The following APPBP2 variants were observed in gnomAD, a reference collection of about 807,000 sequenced individuals.
APPBP2 encodes the protein amyloid beta precursor protein binding protein 2.
APPBP2 carries 15 observed loss-of-function variants against 76.0 expected under a neutral mutation model. That is an observed-to-expected ratio of 0.20 (90% confidence interval 0.13 to 0.30). APPBP2 has a LOEUF of 0.30. Among genes scored for constraint, APPBP2 ranks in the 10% least tolerant of loss-of-function variants. The pLI is 1.00. For missense variants in APPBP2, 401 were observed against 687.2 expected (o/e 0.58, Z 4.66); for synonymous variants, 222 against 242.2 (o/e 0.92, Z 0.77).
chr17:60,508,446 T>C (rs1244037071), intron 1 of APPBP2, among the ~76,000 whole-genome samples: 1 of 152,112 alleles, frequency 6.6e-6, no homozygotes, highest in African/African-American at 2.4e-5. Context: ...AAACCAAGCA[T>C]AGAAACTCCA....
At chr17:60,486,408 T>G (rs907543021) in intron 3 of APPBP2, among the ~76,000 whole-genome samples, 8 of 152,228 alleles carry the variant, frequency 5.3e-5, no homozygotes, top group African/African-American at 1.9e-4. Flanking sequence ...ATATTTAGGA[T>G]AGTTAGCTCT....
rs1567921123 is a variant in APPBP2 at position 60,462,069 on chromosome 17, T to TA, written c.763-9dup. ...ACGTTTTACTACACAAGCCTAAAGA[T>TA]AAAGTGAAAAATGGTTAACTCTCAA... On this transcript the variant is annotated splice_polypyrimidine_tract_variant and intron_variant, in intron 6 of 12. Coordinates refer to ENST00000083182, the MANE Select transcript of APPBP2 (RefSeq NM_006380.5). 4 of 1,609,096 alleles carry TA rather than the reference T, an allele frequency of 2.5e-6. No homozygotes were observed. In the Admixed American group the frequency reaches 6.7e-5, roughly 27 times the overall value.
At chr17:60,515,931 G>A (rs1032121884) in intron 1 of APPBP2, among the ~76,000 whole-genome samples, 2 of 152,162 alleles carry the variant, frequency 1.3e-5, no homozygotes, top group Non-Finnish European at 2.9e-5. Context: ...CTGGGAGGCC[G>A]AGACAGGCAG....
chr17:60,506,135 C>A (rs114294475), intron 1 of APPBP2, among the ~76,000 whole-genome samples: 1 of 151,980 alleles, frequency 6.6e-6, no homozygotes, highest in African/African-American at 2.4e-5. Flanking sequence ...GTACTACAGG[C>A]ATGCACAACC....
At chr17:60,479,111 G>T (rs554899634) in intron 4 of APPBP2, 37 bp downstream of exon 4, 2 of 1,595,918 alleles carry the variant, frequency 1.3e-6, no homozygotes, top group Non-Finnish European at 1.7e-6. Context: ...ACTAAATACT[G>T]TTATAGCACG....
intron 9 of APPBP2, among the ~76,000 whole-genome samples, chr17:60,457,425 TTTTG>T (rs767898068): frequency 9.2e-5 from 14 of 151,872 alleles, no homozygotes; most frequent in East Asian, 5.8e-4. Flanking sequence ...TTTGTTTTGT[TTTTG>T]TTTGTTTGTT....
In APPBP2 at chr17:60,485,110, GTATTT is replaced by G. The variant is rs1015928756; in HGVS notation, c.380-5844_380-5840del. On this transcript the variant is annotated intron_variant, in intron 3 of 12. Coordinates refer to ENST00000083182, the MANE Select transcript of APPBP2 (RefSeq NM_006380.5). ...ATGTGCTGCTGGATTCAGTTTGCCG[GTATTT>G]TATTGAGGATTTTCGCATCGATGTT... is the stretch of plus-strand genomic sequence containing the variant. Among the ~76,000 whole-genome samples, 77 of 152,166 alleles carry G rather than the reference GTATTT, an allele frequency of 5.1e-4. 1 individual carries two copies. The highest frequency in any genetic ancestry group is 1.8e-3 in the African/African-American group (73 of 41,516).
At chr17:60,475,566 T>C (rs1027383899) in intron 4 of APPBP2, among the ~76,000 whole-genome samples, 1 of 152,014 alleles carries the variant, frequency 6.6e-6, no homozygotes, top group African/African-American at 2.4e-5. Context: ...TACTTTCTTC[T>C]AGCTTCTAAT....
At chr17:60,487,340 T>C (rs1411218368) in intron 3 of APPBP2, among the ~76,000 whole-genome samples, 3 of 152,168 alleles carry the variant, frequency 2.0e-5, no homozygotes, top group African/African-American at 7.2e-5. Context: ...CAATCAAACG[T>C]AGATTTGGTA....
chr17:60,504,814 C>A (rs188463271), intron 1 of APPBP2, among the ~76,000 whole-genome samples: 40 of 152,176 alleles, frequency 2.6e-4, no homozygotes, highest in Admixed American at 7.9e-4. Flanking sequence ...AAACAACCAA[C>A]CAACCAAAAA....
At chr17:60,501,962 C>T (rs754266272) in intron 1 of APPBP2, among the ~76,000 whole-genome samples, 1 of 152,140 alleles carries the variant, frequency 6.6e-6, no homozygotes, top group Non-Finnish European at 1.5e-5. Context: ...ACCACATGCT[C>T]ACGAAGGAAA....
At chr17:60,450,542 G>A (rs2090386948) in intron 12 of APPBP2, among the ~76,000 whole-genome samples, 3 of 152,084 alleles carry the variant, frequency 2.0e-5, no homozygotes, top group South Asian at 4.1e-4. Context: ...GCTGAGGTAG[G>A]AGGATTACTT....
chr17:60,476,036 G>C (rs1458458362), intron 4 of APPBP2, among the ~76,000 whole-genome samples: 1 of 152,154 alleles, frequency 6.6e-6, no homozygotes, highest in African/African-American at 2.4e-5. Context: ...TGAGCAGCAG[G>C]GTTATAGACA....
At chr17:60,463,223 A>G (rs2090488837) in intron 6 of APPBP2, among the ~76,000 whole-genome samples, 1 of 152,224 alleles carries the variant, frequency 6.6e-6, no homozygotes, top group Non-Finnish European at 1.5e-5. Flanking sequence ...TGAAATATTC[A>G]AATCTGAGAA....
At chr17:60,510,653 C>T (rs2090904466) in intron 1 of APPBP2, among the ~76,000 whole-genome samples, 1 of 151,942 alleles carries the variant, frequency 6.6e-6, no homozygotes, top group African/African-American at 2.4e-5. Context: ...GAGGTTGAGG[C>T]CGCAGTGAGC....
At chr17:60,478,228 T>A (rs889670505) in intron 4 of APPBP2, among the ~76,000 whole-genome samples, 1 of 152,146 alleles carries the variant, frequency 6.6e-6, no homozygotes, top group Non-Finnish European at 1.5e-5. Flanking sequence ...TCCTTTAGTT[T>A]TATATAAAAA....
Position 60,525,943 on chromosome 17 carries a change from C to A in APPBP2, c.-12G>T. 1.9e-6 allele frequency: 3 copies of A among 1,553,458 alleles called. No individual in the cohort carries two copies. Among genetic ancestry groups the A allele is most frequent in the Non-Finnish European group, 2.6e-6 (3 of 1,146,806 alleles). ...TCCACGGCCGCCATCTTCCTTCCCT[C>A]CTCCTCCGCCTCCTCCGCCTCCTCC... On this transcript the variant is annotated 5_prime_UTR_variant, in exon 1 of 13. Transcript: ENST00000083182.
chr17:60,460,503 G>T (rs2090468792), intron 9 of APPBP2, 160 bp downstream of exon 9: 2 of 676,926 alleles, frequency 3.0e-6, no homozygotes, highest in Non-Finnish European at 4.3e-6. Flanking sequence ...ATGACTTCAA[G>T]AACATTTTAG....
chr17:60,460,918 G>T, intron 8 of APPBP2, 131 bp from the exon 9 acceptor site: 2 of 871,192 alleles, frequency 2.3e-6, no homozygotes, highest in South Asian at 3.3e-5. Context: ...AAGTCCTGCT[G>T]TATTTAAATT....
Sources: allele counts gnomAD v4.1 joint callset (sites outside exome capture counted in the v4.1 genomes callset), GRCh38; gene constraint gnomAD v4.1.1; transcripts MANE v1.5; gene names NCBI Gene and HGNC (gene_info 2026-07-23, HGNC 2026-07-21).